Variants in CNTN4 observed in about 807,000 individuals in gnomAD.
The protein encoded by CNTN4 is contactin-4.
A neutral mutation model predicts 122.5 loss-of-function variants in CNTN4; 77 were observed. The observed-to-expected ratio is 0.63, with a 90% CI of 0.52 to 0.76. The LOEUF (loss-of-function observed/expected upper bound fraction) is 0.76, where lower values mean the gene tolerates loss of function less well. Among genes scored for constraint, CNTN4 ranks in the 30% least tolerant of loss-of-function variants. CNTN4 has a pLI of 0.00. For missense variants in CNTN4, 1,256 were observed against 1,259.1 expected (o/e 1.00, Z 0.04); for synonymous variants, 512 against 447.0 (o/e 1.15, Z -1.83).
chr3:2,440,921 TATAA>T (rs1183400583), intron 3 of CNTN4, among the ~76,000 whole-genome samples: 1 of 148,568 alleles, frequency 6.7e-6, no homozygotes, highest in African/African-American at 2.4e-5. Flanking sequence ...TATATACATA[TATAA>T]AAAGATTATA....
chr3:2,204,005 A>G (rs1350899259), intron 2 of CNTN4, among the ~76,000 whole-genome samples: 2 of 152,204 alleles, frequency 1.3e-5, no homozygotes, highest in African/African-American at 4.8e-5. Context: ...GTGTATTTCA[A>G]ACATACATAT....
At chr3:2,706,462 G>C (rs1481388019) in intron 4 of CNTN4, among the ~76,000 whole-genome samples, 1 of 152,128 alleles carries the variant, frequency 6.6e-6, no homozygotes, top group African/African-American at 2.4e-5. Context: ...ATTATAATTT[G>C]ACTCTGAAGT....
chr3:3,018,345 A>G (rs945263985), intron 14 of CNTN4, among the ~76,000 whole-genome samples: 8 of 152,300 alleles, frequency 5.3e-5, no homozygotes, highest in South Asian at 2.1e-4. Flanking sequence ...TTTAAATGGC[A>G]TATGCTCTAG....
At chr3:2,354,474 T>G (rs1245613158) in intron 3 of CNTN4, among the ~76,000 whole-genome samples, 1 of 152,150 alleles carries the variant, frequency 6.6e-6, no homozygotes, top group African/African-American at 2.4e-5. Flanking sequence ...GAGGTTACCG[T>G]GAGCCCAGAT....
chr3:2,234,956 C>T (rs921117164), intron 2 of CNTN4, among the ~76,000 whole-genome samples: 2 of 152,032 alleles, frequency 1.3e-5, no homozygotes, highest in Admixed American at 6.6e-5. Flanking sequence ...TTGCTTTGAA[C>T]AGTATTGCCC....
At chr3:2,658,964 AG>A (rs1379957442) in intron 4 of CNTN4, among the ~76,000 whole-genome samples, 3 of 76,352 alleles carry the variant, frequency 3.9e-5, no homozygotes, top group African/African-American at 1.3e-4. Flanking sequence ...ACACACAAAC[AG>A]ACACACACAC....
At chr3:2,472,752 T>C (rs1167221543) in intron 3 of CNTN4, among the ~76,000 whole-genome samples, 3 of 152,182 alleles carry the variant, frequency 2.0e-5, no homozygotes, top group Non-Finnish European at 4.4e-5. Context: ...AGAAAAACAT[T>C]TGACATTAGA....
Position 2,957,327 on chromosome 3 carries a change from A to T in CNTN4, c.1359-31018A>T, listed in dbSNP as rs531065428. Among the ~76,000 whole-genome samples the T allele has an allele frequency of 2.0e-5, 3 of 152,180 alleles. No homozygotes were observed. The South Asian group carries it at 6.2e-4, about 32-fold the overall frequency. ...GTCTCTTGTCTTTTTCATAGTAGTC[A>T]TTCTTAGCGGTGTGAGAAGATATCT... On this transcript the variant is annotated intron_variant, in intron 13 of 24. Coordinates refer to ENST00000418658, the MANE Select transcript of CNTN4 (RefSeq NM_175607.3).
At chr3:2,940,371 C>A (rs1232230329) in intron 13 of CNTN4, among the ~76,000 whole-genome samples, 1 of 152,198 alleles carries the variant, frequency 6.6e-6, no homozygotes, top group Admixed American at 6.5e-5. Flanking sequence ...AATGAATTCA[C>A]AAGTGACCTT....
chr3:2,134,029 C>T (rs2034572134), intron 2 of CNTN4, among the ~76,000 whole-genome samples: 1 of 151,938 alleles, frequency 6.6e-6, no homozygotes, highest in Non-Finnish European at 1.5e-5. Flanking sequence ...AAAAATTGAC[C>T]TAATCTGAAA....
intron 3 of CNTN4, among the ~76,000 whole-genome samples, chr3:2,506,581 C>G (rs187350722): frequency 6.6e-6 from 1 of 152,262 alleles, no homozygotes; most frequent in African/African-American, 2.4e-5. Context: ...AGTCTAACAA[C>G]GGATTTCCTA....
intron 3 of CNTN4, among the ~76,000 whole-genome samples, chr3:2,552,971 T>C (rs1032436136): frequency 1.4e-4 from 22 of 152,172 alleles, no homozygotes; most frequent in African/African-American, 5.1e-4. Flanking sequence ...CTGTGTGTAC[T>C]TGAGGACCAT....
chr3:3,043,076 G>C lies in CNTN4; in HGVS notation c.2611G>C (p.Val871Leu). 6.2e-7 allele frequency: 1 copy of C among 1,614,184 alleles called. No individual in the cohort carries two copies. The highest frequency in any genetic ancestry group is 8.5e-7 in the Non-Finnish European group (1 of 1,180,012). The change falls in exon 22 of 25, where the codon GTG becomes CTG. Residue 871 changes from valine (V) to leucine (L), a missense_variant. Physicochemically the swap from Val to Leu is conservative, Grantham distance 32. Coordinates refer to ENST00000418658, the MANE Select transcript of CNTN4 (RefSeq NM_175607.3). The part of the protein sequence containing the change: ...STKITNLKGS[V>L]LYHLAVKAYN... The stretch of plus-strand genomic sequence containing the variant: ...AAAAATCACGAACTTAAAAGGCAGT[G>C]TGCTGTATCACTTAGCTGTCAAGGC...
intron 3 of CNTN4, among the ~76,000 whole-genome samples, chr3:2,484,071 G>A (rs2076078607): frequency 6.6e-6 from 1 of 152,116 alleles, no homozygotes; most frequent in African/African-American, 2.4e-5. Flanking sequence ...ATAAAGGACT[G>A]TTAGCAAAAT....
At chr3:2,196,215 G>T (rs898167984) in intron 2 of CNTN4, among the ~76,000 whole-genome samples, 10 of 152,124 alleles carry the variant, frequency 6.6e-5, no homozygotes, top group Admixed American at 6.6e-4. Context: ...GTGTTATTTG[G>T]AAAGGACTGA....
intron 7 of CNTN4, among the ~76,000 whole-genome samples, chr3:2,821,634 G>C (rs2092876814): frequency 6.6e-6 from 1 of 152,132 alleles, no homozygotes; most frequent in African/African-American, 2.4e-5. Context: ...GAGATGTGTA[G>C]GCAACTTGCA....
chr3:2,283,767 C>T (rs1489481300), intron 2 of CNTN4, among the ~76,000 whole-genome samples: 1 of 152,106 alleles, frequency 6.6e-6, no homozygotes, highest in Non-Finnish European at 1.5e-5. Flanking sequence ...AAATACAATT[C>T]AAACGGCTTA....
At chr3:2,271,904 G>A (rs1241734034) in intron 2 of CNTN4, among the ~76,000 whole-genome samples, 1 of 152,076 alleles carries the variant, frequency 6.6e-6, no homozygotes. Context: ...AAGGGACCAA[G>A]ACATTATGCA....
At chr3:2,619,402 A>G (rs551210414) in intron 4 of CNTN4, among the ~76,000 whole-genome samples, 1 of 152,240 alleles carries the variant, frequency 6.6e-6, no homozygotes, top group Non-Finnish European at 1.5e-5. Flanking sequence ...TTGATTGTAA[A>G]TATTTTCAAA....
Sources: allele counts gnomAD v4.1 joint callset (sites outside exome capture counted in the v4.1 genomes callset), GRCh38; gene constraint gnomAD v4.1.1; transcripts MANE v1.5; gene names NCBI Gene and HGNC (gene_info 2026-07-23, HGNC 2026-07-21).